Variants in NOM1 observed in about 807,000 individuals in gnomAD.
NOM1 encodes nucleolar MIF4G domain-containing protein 1.
NOM1 carries 58 observed loss-of-function variants against 73.3 expected under a neutral mutation model. The ratio of observed to expected loss-of-function variants is 0.79; its 90% confidence interval spans 0.64 to 0.99. The LOEUF is 0.99. Among genes scored for constraint, NOM1 ranks in the 50% least tolerant of loss-of-function variants. The pLI, the probability that NOM1 is intolerant of heterozygous loss-of-function variation, is 0.00. For missense variants in NOM1, 1,226 were observed against 1,131.9 expected, an observed-to-expected ratio of 1.08 and a Z score of -1.19; for synonymous variants, 487 against 446.8, an observed-to-expected ratio of 1.09 and a Z score of -1.14.
At chr7:156,952,631 TA>T in intron 2 of NOM1, 33 bp downstream of exon 2, 1 of 1,596,288 alleles carries the variant, frequency 6.3e-7, no homozygotes, top group Non-Finnish European at 8.5e-7. Context: ...CTGTGTCACT[TA>T]GAGAGGTTGT....
At chr7:156,950,795 G>C in intron 1 of NOM1, 71 bp downstream of exon 1, 2 of 1,366,968 alleles carry the variant, frequency 1.5e-6, no homozygotes, top group South Asian at 2.8e-5. Context: ...TGGGGCGTGA[G>C]GCAGAAATGA....
At chr7:156,951,841 G>A (rs1046831684) in intron 1 of NOM1, among the ~76,000 whole-genome samples, 3 of 151,754 alleles carry the variant, frequency 2.0e-5, no homozygotes, top group African/African-American at 7.3e-5. Flanking sequence ...CAAGTAGCTG[G>A]GACTACAGGC....
At chr7:156,966,428 A>T (rs200017595) in intron 8 of NOM1, 26 bp downstream of exon 8, 1 of 1,613,132 alleles carries the variant, frequency 6.2e-7, no homozygotes, top group East Asian at 2.2e-5. Flanking sequence ...GGCACCAGTT[A>T]CGTCCGCTCT....
Position 156,969,775 on chromosome 7 carries a change from T to G in NOM1, c.*72T>G. ...TTGGTAAACCCAAAGGCTTATTCTG[T>G]TGCCTGCGTGTGAATGTTTGGTAGA... On this transcript the variant is annotated 3_prime_UTR_variant, in exon 11 of 11. Coordinates refer to ENST00000275820, the MANE Select transcript of NOM1 (RefSeq NM_138400.2). 1 of 1,414,952 alleles carries G rather than the reference T, an allele frequency of 7.1e-7. No homozygotes were observed. The highest frequency in any genetic ancestry group is 9.5e-7 in the Non-Finnish European group (1 of 1,053,376). The allele number at this position is 1,414,952 out of a possible 1,614,324, so 87.6% of individuals were successfully genotyped here.
intron 7 of NOM1, among the ~76,000 whole-genome samples, chr7:156,964,481 T>TC (rs1366761365): frequency 1.3e-5 from 2 of 152,052 alleles, no homozygotes; most frequent in Non-Finnish European, 2.9e-5. Flanking sequence ...ATTTTAAAGA[T>TC]CCTGTAATCC....
chr7:156,968,812 A>G, intron 9 of NOM1: 2 of 292,406 alleles, frequency 6.8e-6, no homozygotes, highest in South Asian at 7.7e-5. Context: ...TCTGATTCAT[A>G]AGGTGTATGA....
rs765998924 is a variant in NOM1 at position 156,950,447 on chromosome 7, A to G, written c.710A>G (p.Glu237Gly). 7.4e-6 allele frequency: 12 copies of G among 1,613,796 alleles called. No homozygotes were observed. The highest frequency in any genetic ancestry group is 1.7e-5 in the Admixed American group (1 of 59,994). The change falls in exon 1 of 11, where the codon GAG becomes GGG. Residue 237 changes from glutamate (E) to glycine (G), a missense_variant. Physicochemically the swap from Glu to Gly is moderately conservative, Grantham distance 98 (BLOSUM62 -2). Coordinates refer to ENST00000275820, the MANE Select transcript of NOM1 (RefSeq NM_138400.2). ...KNSGLYDSSG[E>G]EEEDAGQTLP... Reference sequence around the variant, plus strand: ...AGCGGCTTGTACGACAGCAGTGGTGAGGAGGAGGAAGATGCCGGACAGACA... The same window carrying G: ...AGCGGCTTGTACGACAGCAGTGGTGGGGAGGAGGAAGATGCCGGACAGACA...
rs77054396 is a variant in NOM1, at chr7:156,962,281, A to C, written c.1743+20A>C. Reference sequence around the variant, plus strand: ...GCTTTGGTGAGTCAAGGAACTTTCAATTCTGTTTTGCTCAGAGCTTCCGTG... The same window carrying C: ...GCTTTGGTGAGTCAAGGAACTTTCACTTCTGTTTTGCTCAGAGCTTCCGTG... On this transcript the variant is annotated intron_variant, in intron 5 of 10. Coordinates refer to ENST00000275820, the MANE Select transcript of NOM1 (RefSeq NM_138400.2). 6.3e-7 allele frequency: 1 copy of C among 1,585,006 alleles called. No homozygotes were observed. The highest frequency in any genetic ancestry group is 8.7e-7 in the Non-Finnish European group (1 of 1,153,654).
At chr7:156,961,928 TC>T (rs1804873583) in intron 4 of NOM1, among the ~76,000 whole-genome samples, 1 of 151,982 alleles carries the variant, frequency 6.6e-6, no homozygotes, top group African/African-American at 2.4e-5. Context: ...GAGTTTGGGT[TC>T]CCACTTGACG....
intron 3 of NOM1, 40 bp from the exon 4 acceptor site, chr7:156,959,811 C>T (rs373779064): frequency 3.2e-6 from 5 of 1,579,960 alleles, no homozygotes; most frequent in Non-Finnish European, 4.3e-6. Flanking sequence ...AGGAAGGTTT[C>T]TAGGAATAAC....
In NOM1 at chr7:156,955,521, C is replaced by A. The variant is rs113267862; in HGVS notation, c.1308+1223C>A. ...GGTGGTTCTCTTAGTTTTTTGCCTT[C>A]TGACAGCTCTACTCCAAAAAATAGG... On this transcript the variant is annotated intron_variant, in intron 3 of 10. Coordinates refer to ENST00000275820, the MANE Select transcript of NOM1 (RefSeq NM_138400.2). Among the ~76,000 whole-genome samples, 218 of 152,248 alleles carry A rather than the reference C, an allele frequency of 1.4e-3. 3 individuals are homozygous for A. The highest frequency in any genetic ancestry group is 5.0e-3 in the African/African-American group (207 of 41,540).
rs1465872826 is a variant in NOM1, at chr7:156,954,202, C to T, written c.1212C>T (p.Leu404=). 1.4e-5 allele frequency: 23 copies of T among 1,613,826 alleles called. No individual in the cohort carries two copies. Among genetic ancestry groups the T allele is most frequent in the Non-Finnish European group, 1.9e-5 (22 of 1,179,942 alleles). Residue 404 remains leucine (L), a synonymous_variant, in exon 3 of 11, where the codon CTC becomes CTT. Coordinates refer to ENST00000275820, the MANE Select transcript of NOM1 (RefSeq NM_138400.2). ...TGAATGACACCCTGACCTCCGCTCT[C>T]ATGGGTGCCTGCGTCACTGCCTCGG... The part of the protein sequence containing the change: ...KDMNDTLTSA[L]MGACVTASAM...
chr7:156,966,868 TAATAAG>T (rs1263808726), intron 8 of NOM1, 87 bp from the exon 9 acceptor site: 1 of 1,324,058 alleles, frequency 7.6e-7, no homozygotes, highest in East Asian at 2.4e-5. Flanking sequence ...AAAAATAAGA[TAATAAG>T]AAAATACCTT....
chr7:156,963,218 CCT>C (rs560499011), intron 6 of NOM1, 43 bp downstream of exon 6: 360 of 1,608,218 alleles, frequency 2.2e-4, no homozygotes, highest in Non-Finnish European at 3.0e-4. Flanking sequence ...GAGGCACCCC[CCT>C]GTGTGGTGTG....
In NOM1 at chr7:156,950,467, C is replaced by G. The variant is rs1246882502; in HGVS notation, c.730C>G (p.Gln244Glu). 1 of 1,613,756 alleles carries G rather than the reference C, an allele frequency of 6.2e-7. No homozygotes were observed. Among genetic ancestry groups the G allele is most frequent in the African/African-American group, 1.3e-5 (1 of 74,874 alleles). Residue 244 changes from glutamine to glutamate, a missense_variant, in exon 1 of 11, where the codon CAG becomes GAG. Physicochemically the swap from Gln to Glu is conservative, Grantham distance 29. Transcript: ENST00000275820. ...TGGTGAGGAGGAGGAAGATGCCGGA[C>G]AGACACTCCCCGAAAGTGACTTAGA... is the stretch of plus-strand genomic sequence containing the variant. ...SSGEEEEDAG[Q>E]TLPESDLESD...
At chr7:156,961,386 G>A (rs1027852482) in intron 4 of NOM1, among the ~76,000 whole-genome samples, 1 of 152,170 alleles carries the variant, frequency 6.6e-6, no homozygotes, top group Admixed American at 6.5e-5. Flanking sequence ...GTCTGAAGAG[G>A]AGGGGGCTGG....
intron 4 of NOM1, 28 bp from the exon 5 acceptor site, chr7:156,962,123 A>G: frequency 6.3e-7 from 1 of 1,586,894 alleles, no homozygotes; most frequent in Non-Finnish European, 8.7e-7. Flanking sequence ...GAAATGATGG[A>G]CTTTCCATTT....
At position 156,969,402 on chromosome 7, in the gene NOM1, G is replaced by A. The variant is rs1291265275; in HGVS notation, c.2409-127G>A. ...GATTGTTAATAATAAAATATGTTAA[G>A]AAGTTCTTAATTGAGAATTTTATTT... is the stretch of plus-strand genomic sequence containing the variant. On this transcript the variant is annotated intron_variant, in intron 10 of 10. Coordinates refer to ENST00000275820, the MANE Select transcript of NOM1 (RefSeq NM_138400.2). 4 of 850,670 alleles carry A rather than the reference G, an allele frequency of 4.7e-6. No individual in the cohort carries two copies. In the Admixed American group the frequency reaches 8.8e-5, roughly 19 times the overall value. The allele number at this position is 850,670 out of a possible 1,614,324, so 52.7% of individuals were successfully genotyped here.
chr7:156,954,001 A>T, intron 2 of NOM1, 102 bp from the exon 3 acceptor site: 2 of 910,856 alleles, frequency 2.2e-6, no homozygotes, highest in South Asian at 3.3e-5. Flanking sequence ...ACATAAAAAT[A>T]GAATATATTG....
Sources: gnomAD v4.1 joint callset for allele counts (sites outside exome capture counted in the v4.1 genomes callset) on GRCh38, gnomAD v4.1.1 for gene constraint, MANE v1.5 for transcripts, NCBI Gene and HGNC (gene_info 2026-07-23, HGNC 2026-07-21) for gene names.